Variants in DPYS observed in about 807,000 individuals in gnomAD.
DPYS encodes dihydropyrimidine amidohydrolase.
In DPYS, 39 loss-of-function variants were observed where a neutral mutation model predicts 50.3. That is an observed-to-expected ratio of 0.78 (90% CI 0.60 to 1.01). DPYS has a LOEUF of 1.01. Ranked by LOEUF, DPYS falls within the 50% of genes least tolerant of loss-of-function variation. DPYS has a pLI of 0.00. For synonymous variants in DPYS, 245 were observed against 250.7 expected, an observed-to-expected ratio of 0.98 and a Z score of 0.22; for missense variants, 659 against 680.9, an observed-to-expected ratio of 0.97 and a Z score of 0.36.
rs182332679 is a variant in DPYS at position 104,466,906 on chromosome 8, C to G, written c.15G>C (p.Ser5=). MAAP[S]RLLIRGGRVV... ...CGCGACCCCCGCGGATCAGGAGCCG[C>G]GAGGGCGCCGCCATAGCGAGGGGCG... Residue 5 remains serine, a synonymous_variant, in exon 1 of 10, where the codon TCG becomes TCC. Transcript: ENST00000351513. 5 of 1,497,946 alleles carry G rather than the reference C, an allele frequency of 3.3e-6. No individual in the cohort carries two copies. Among genetic ancestry groups the G allele is most frequent in the Non-Finnish European group, 4.4e-6 (5 of 1,129,622 alleles). 92.8% of individuals were successfully genotyped at this position (1,497,946 alleles called of 1,614,324 possible).
intron 1 of DPYS, among the ~76,000 whole-genome samples, chr8:104,452,290 G>T (rs764878279): frequency 6.6e-6 from 1 of 152,146 alleles, no homozygotes; most frequent in Non-Finnish European, 1.5e-5. Context: ...TCACAAGATG[G>T]TTAATTGTTT....
At chr8:104,452,623 C>T (rs1034269651) in intron 1 of DPYS, among the ~76,000 whole-genome samples, 3 of 152,162 alleles carry the variant, frequency 2.0e-5, no homozygotes, top group African/African-American at 7.2e-5. Flanking sequence ...GGGAGGAGAG[C>T]TTGAGCCCAG....
chr8:104,426,310 C>T (rs1319386), intron 6 of DPYS, among the ~76,000 whole-genome samples: 262 of 152,238 alleles, frequency 1.7e-3, no homozygotes, highest in Non-Finnish European at 2.8e-3. Flanking sequence ...ACCTATCCTC[C>T]CTCTATAATA....
At chr8:104,382,783 T>C (rs1336445572) in intron 8 of DPYS, among the ~76,000 whole-genome samples, 1 of 152,168 alleles carries the variant, frequency 6.6e-6, no homozygotes, top group Non-Finnish European at 1.5e-5. Flanking sequence ...CTGCTCCTCT[T>C]GGCATTCATA....
intron 8 of DPYS, among the ~76,000 whole-genome samples, chr8:104,383,604 C>T (rs1424594619): frequency 7.1e-6 from 1 of 141,766 alleles, no homozygotes; most frequent in African/African-American, 2.6e-5. Context: ...CCAGGCTGTA[C>T]TTTTTTTTTT....
intron 8 of DPYS, among the ~76,000 whole-genome samples, chr8:104,381,797 A>AGGTTGGT (rs1811054177): frequency 6.6e-6 from 1 of 151,624 alleles, no homozygotes; most frequent in Non-Finnish European, 1.5e-5. Context: ...ACTATGCAGC[A>AGGTTGGT]GAACCCTCTG....
At chr8:104,412,629 C>T (rs1419032186) in intron 7 of DPYS, among the ~76,000 whole-genome samples, 3 of 152,184 alleles carry the variant, frequency 2.0e-5, no homozygotes, top group Admixed American at 6.5e-5. Flanking sequence ...CCCACCCCTG[C>T]CAGGGTTGCA....
intron 1 of DPYS, among the ~76,000 whole-genome samples, chr8:104,462,876 C>T (rs548244354): frequency 6.6e-6 from 1 of 152,222 alleles, no homozygotes; most frequent in Non-Finnish European, 1.5e-5. Flanking sequence ...AATATGATTT[C>T]TTTAAAGCAG....
chr8:104,383,422 C>T (rs1447775946), intron 8 of DPYS, among the ~76,000 whole-genome samples: 1 of 152,144 alleles, frequency 6.6e-6, no homozygotes, highest in Admixed American at 6.5e-5. Flanking sequence ...GTGCTGCTCT[C>T]TTTCTTCATA....
rs1164713796 is a variant in DPYS, at chr8:104,451,363, G to A, written c.306C>T (p.Ala102=). Residue 102 remains alanine (A), a synonymous_variant, in exon 2 of 10, where the codon GCC becomes GCT. Coordinates refer to ENST00000351513, the MANE Select transcript of DPYS (RefSeq NM_001385.3). ...SGGTTMIIDF[A]IPQKGGSLIE... Reference sequence around the variant, plus strand: ...TGAGGGAGCCACCTTTCTGAGGAATGGCGAAATCAATAATCATGGTGGTGC... The same window carrying A: ...TGAGGGAGCCACCTTTCTGAGGAATAGCGAAATCAATAATCATGGTGGTGC... 42 of 1,614,058 alleles carry A rather than the reference G, an allele frequency of 2.6e-5. No homozygotes were observed. The highest frequency in any genetic ancestry group is 3.6e-5 in the Non-Finnish European group (42 of 1,180,032).
At position 104,464,548 on chromosome 8, in the gene DPYS, T is replaced by C. The variant is rs147220993; in HGVS notation, c.264+2109A>G. ...CCACCTTGCAGGTGGGAGTGTTCAA[T>C]GGGATGCCCTGCCATCAGCAAAGCA... On this transcript the variant is annotated intron_variant, in intron 1 of 9. Transcript: ENST00000351513. Among the ~76,000 whole-genome samples the C allele has an allele frequency of 2.0e-5, 3 of 152,346 alleles. No homozygotes were observed. The East Asian group carries it at 5.8e-4, about 29-fold the overall frequency.
chr8:104,399,320 A>AC (rs1811709230), intron 7 of DPYS, among the ~76,000 whole-genome samples: 1 of 150,614 alleles, frequency 6.6e-6, no homozygotes, highest in Non-Finnish European at 1.5e-5. Context: ...ACAACAACAA[A>AC]AAAAAACCAA....
chr8:104,399,153 T>G (rs955253788), intron 7 of DPYS, among the ~76,000 whole-genome samples: 1 of 151,544 alleles, frequency 6.6e-6, no homozygotes, highest in Admixed American at 6.6e-5. Context: ...TAGCAGGGCA[T>G]GGTGGTACAT....
At chr8:104,417,220 G>C (rs1160427508) in intron 7 of DPYS, among the ~76,000 whole-genome samples, 1 of 152,224 alleles carries the variant, frequency 6.6e-6, no homozygotes, top group Non-Finnish European at 1.5e-5. Flanking sequence ...GTGTTTGTGT[G>C]CTTGAGATTC....
At chr8:104,408,264 T>C in intron 7 of DPYS, among the ~76,000 whole-genome samples, 1 of 152,266 alleles carries the variant, frequency 6.6e-6, no homozygotes, top group East Asian at 1.9e-4. Context: ...AACACTTTCA[T>C]GTAACTGTAG....
chr8:104,405,159 A>G (rs911920006), intron 7 of DPYS, among the ~76,000 whole-genome samples: 1 of 152,250 alleles, frequency 6.6e-6, no homozygotes, highest in Non-Finnish European at 1.5e-5. Flanking sequence ...GGGTGTGGCC[A>G]CTATCCATGA....
At chr8:104,401,856 GC>G (rs1458062288) in intron 7 of DPYS, among the ~76,000 whole-genome samples, 1 of 152,168 alleles carries the variant, frequency 6.6e-6, no homozygotes, top group Non-Finnish European at 1.5e-5. Context: ...AAGCAAAGTT[GC>G]CACTCACTGC....
rs58283473 is a variant in DPYS at position 104,416,658 on chromosome 8, A to AGTGT, written c.1235+7585_1235+7588dup. ...AGGCTGCTGTGCTGATGTGCATGTG[A>AGTGT]GTGTGTGTGTGTGTGTGTGCACGCT... On this transcript the variant is annotated intron_variant, in intron 7 of 9. Transcript: ENST00000351513. 8.6e-3 allele frequency among the ~76,000 whole-genome samples: 1,303 copies of AGTGT among 150,642 alleles called. 20 individuals are homozygous for AGTGT. The highest frequency in any genetic ancestry group is 0.029 in the African/African-American group (1,209 of 41,056).
intron 7 of DPYS, among the ~76,000 whole-genome samples, chr8:104,416,994 A>ATT: frequency 6.6e-6 from 1 of 152,316 alleles, no homozygotes; most frequent in South Asian, 2.1e-4. Context: ...TCTTCACTGA[A>ATT]TATAAAGTTA....
Sources: gnomAD v4.1 joint callset for allele counts (sites outside exome capture counted in the v4.1 genomes callset) on GRCh38, gnomAD v4.1.1 for gene constraint, MANE v1.5 for transcripts, NCBI Gene and HGNC (gene_info 2026-07-23, HGNC 2026-07-21) for gene names.